Variants in PTPRD observed in about 807,000 individuals in gnomAD.
PTPRD encodes receptor-type tyrosine-protein phosphatase delta.
Under a neutral mutation model 214.5 loss-of-function variants are expected in PTPRD, and 34 were observed. The ratio of observed to expected loss-of-function variants is 0.16; its 90% CI spans 0.12 to 0.21. PTPRD has a LOEUF of 0.21. Among genes scored for constraint, PTPRD ranks in the 10% least tolerant of loss-of-function variants. PTPRD has a pLI of 1.00. For missense variants in PTPRD, 2,545 were observed against 2,398.7 expected, an observed-to-expected ratio of 1.06 and a Z score of -1.27; for synonymous variants, 1,128 against 845.7, an observed-to-expected ratio of 1.33 and a Z score of -5.79.
At chr9:9,457,168 A>G (rs900979413) in intron 8 of PTPRD, among the ~76,000 whole-genome samples, 3 of 151,950 alleles carry the variant, frequency 2.0e-5, no homozygotes, top group Non-Finnish European at 4.4e-5. Context: ...AGGAAACAGT[A>G]CAATTGGTAC....
At chr9:9,105,213 C>T (rs748556214) in intron 10 of PTPRD, among the ~76,000 whole-genome samples, 2 of 152,162 alleles carry the variant, frequency 1.3e-5, no homozygotes, top group Non-Finnish European at 1.5e-5. Flanking sequence ...AGTTCAAGGT[C>T]ATCCAGCTCT....
At chr9:9,338,499 G>A (rs1460666431) in intron 9 of PTPRD, among the ~76,000 whole-genome samples, 1 of 152,030 alleles carries the variant, frequency 6.6e-6, no homozygotes, top group Admixed American at 6.6e-5. Context: ...TAAATCTAAT[G>A]TTTTTATATT....
intron 3 of PTPRD, among the ~76,000 whole-genome samples, chr9:10,296,360 C>G (rs1455906381): frequency 6.6e-6 from 1 of 151,926 alleles, no homozygotes; most frequent in African/African-American, 2.4e-5. Flanking sequence ...CAGGAAAGGA[C>G]CCCCCTCACC....
chr9:8,442,421 A>G (rs1238189091), intron 34 of PTPRD, among the ~76,000 whole-genome samples: 3 of 152,224 alleles, frequency 2.0e-5, no homozygotes, highest in South Asian at 2.1e-4. Context: ...GAAGTCATTA[A>G]TAACGGTGGT....
At chr9:8,319,753 G>C (rs971448447) in intron 45 of PTPRD, 78 bp downstream of exon 45, 9 of 1,539,364 alleles carry the variant, frequency 5.8e-6, no homozygotes, top group East Asian at 4.6e-5. Context: ...CTGGTGTTGA[G>C]AGAGTATGGA....
chr9:9,296,974 C>A (rs899138573), intron 9 of PTPRD, among the ~76,000 whole-genome samples: 1 of 151,716 alleles, frequency 6.6e-6, no homozygotes, highest in African/African-American at 2.4e-5. Context: ...GTCTATAAAA[C>A]TTCTTTAACT....
chr9:9,150,891 C>T (rs1290346475), intron 10 of PTPRD, among the ~76,000 whole-genome samples: 2 of 152,100 alleles, frequency 1.3e-5, no homozygotes, highest in African/African-American at 2.4e-5. Context: ...CTTGGGGCGG[C>T]CTGTTGATGC....
intron 6 of PTPRD, among the ~76,000 whole-genome samples, chr9:9,752,227 G>A (rs982088189): frequency 6.6e-6 from 1 of 151,980 alleles, no homozygotes; most frequent in Admixed American, 6.6e-5. Context: ...ATGCCATTTT[G>A]GCCCCTATTA....
In PTPRD at chr9:9,830,903, T is replaced by A. The variant is rs1192794085; in HGVS notation, c.-367-64052A>T. Among the ~76,000 whole-genome samples the A allele has an allele frequency of 5.3e-5, 8 of 151,906 alleles. No homozygotes were observed. The East Asian group carries it at 1.5e-3, about 29-fold the overall frequency. On this transcript the variant is annotated intron_variant, in intron 5 of 45. Transcript: ENST00000381196. The stretch of plus-strand genomic sequence containing the variant: ...TTTTACTGTTTCTTAGAATCAAAAT[T>A]GTCCAACGTAAAATGTATTGTAGGT...
At chr9:8,844,383 T>G (rs1190148078) in intron 11 of PTPRD, among the ~76,000 whole-genome samples, 1 of 152,178 alleles carries the variant, frequency 6.6e-6, no homozygotes, top group Non-Finnish European at 1.5e-5. Flanking sequence ...TTAATATATT[T>G]TAAAAAATTG....
intron 11 of PTPRD, among the ~76,000 whole-genome samples, chr9:8,956,383 G>A (rs1449387558): frequency 6.6e-6 from 1 of 151,818 alleles, no homozygotes; most frequent in African/African-American, 2.4e-5. Context: ...TACACCTGAT[G>A]ACTATAATTT....
intron 11 of PTPRD, among the ~76,000 whole-genome samples, chr9:8,743,774 AG>A (rs1170470963): frequency 1.4e-5 from 2 of 147,248 alleles, no homozygotes; most frequent in Non-Finnish European, 3.0e-5. Flanking sequence ...CAACTAAAAA[AG>A]CTTCTGCACA....
intron 2 of PTPRD, among the ~76,000 whole-genome samples, chr9:10,369,753 A>G (rs1204670368): frequency 1.3e-5 from 2 of 152,078 alleles, no homozygotes; most frequent in Non-Finnish European, 2.9e-5. Context: ...TTGAAAGCTA[A>G]TCTTCAATAC....
intron 5 of PTPRD, among the ~76,000 whole-genome samples, chr9:9,918,462 G>T (rs1474870594): frequency 6.6e-6 from 1 of 150,962 alleles, no homozygotes; most frequent in Admixed American, 6.6e-5. Context: ...GAAGAATATT[G>T]TTAGAATCAC....
At position 10,219,243 on chromosome 9, in the gene PTPRD, T is replaced by C. The variant is rs898611863; in HGVS notation, c.-545+121720A>G. ...CTCAATAGCATGTAAAGGTTTATAG[T>C]TAAGGTAATTGAAGGAAAGAGGTAT... On this transcript the variant is annotated intron_variant, in intron 3 of 45. Transcript: ENST00000381196. Among the ~76,000 whole-genome samples the C allele has an allele frequency of 5.3e-5, 8 of 151,822 alleles. No homozygotes were observed. The South Asian group carries it at 8.3e-4, about 16-fold the overall frequency.
intron 7 of PTPRD, among the ~76,000 whole-genome samples, chr9:9,697,590 T>C (rs1347659105): frequency 4.6e-5 from 7 of 152,124 alleles, no homozygotes; most frequent in Non-Finnish European, 1.5e-5. Flanking sequence ...TTTGCTTCTT[T>C]TCTCTTGTTG....
At chr9:10,487,966 G>GTCTCTCTCTCTC (rs56372955) in intron 2 of PTPRD, among the ~76,000 whole-genome samples, 5,374 of 110,152 alleles carry the variant, frequency 0.049, 469 homozygotes, top group Admixed American at 0.082. Context: ...AATGAACACA[G>GTCTCTCTCTCTC]TCTCTCTCTC....
At chr9:8,642,714 C>A (rs2096604190) in intron 12 of PTPRD, among the ~76,000 whole-genome samples, 1 of 152,134 alleles carries the variant, frequency 6.6e-6, no homozygotes, top group Admixed American at 6.5e-5. Context: ...AATGAGTTAC[C>A]ATGGGACTTT....
intron 4 of PTPRD, among the ~76,000 whole-genome samples, chr9:10,028,348 G>A (rs536606038): frequency 2.6e-5 from 4 of 152,118 alleles, no homozygotes; most frequent in Non-Finnish European, 5.9e-5. Context: ...AGAGTAAATT[G>A]GTACCAGTAG....
Sources: gnomAD v4.1 joint callset for allele counts (sites outside exome capture counted in the v4.1 genomes callset) on GRCh38, gnomAD v4.1.1 for gene constraint, MANE v1.5 for transcripts, NCBI Gene and HGNC (gene_info 2026-07-23, HGNC 2026-07-21) for gene names.